The following DUS1L variants were observed in gnomAD, a reference collection of about 807,000 sequenced individuals.
The protein encoded by DUS1L is tRNA-dihydrouridine(16/17) synthase [NAD(P)(+)]-like.
Under a neutral mutation model 61.2 loss-of-function variants are expected in DUS1L, and 56 were observed. The observed-to-expected ratio is 0.92, with a 90% CI of 0.74 to 1.14. DUS1L has a LOEUF of 1.14. Ranked by LOEUF, DUS1L falls within the 50% of genes most tolerant of loss-of-function variation. DUS1L has a pLI of 0.00. For missense variants in DUS1L, 630 were observed against 632.4 expected (o/e 1.00, Z 0.04); for synonymous variants, 278 against 259.5 (o/e 1.07, Z -0.69).
chr17:82,063,569 GC>G, intron 3 of DUS1L, 51 bp from the exon 4 acceptor site: 1 of 1,610,098 alleles, frequency 6.2e-7, no homozygotes, highest in African/African-American at 1.3e-5. Flanking sequence ...GGCTGGTGGG[GC>G]CGAAGCCTTG....
At chr17:82,058,855 C>T in intron 11 of DUS1L, 37 bp from the exon 12 acceptor site, 1 of 1,585,288 alleles carries the variant, frequency 6.3e-7, no homozygotes, top group African/African-American at 1.3e-5. Flanking sequence ...TGAGTGAGGG[C>T]CAGGGTGCCC....
At chr17:82,058,997 G>A (rs942029451) in intron 11 of DUS1L, 179 bp from the exon 12 acceptor site, 2 of 626,832 alleles carry the variant, frequency 3.2e-6, no homozygotes, top group African/African-American at 1.8e-5. Flanking sequence ...TTCCTTCCGT[G>A]AGCAATGGGT....
At chr17:82,058,461 G>T (rs751755062) in intron 12 of DUS1L, 45 bp from the exon 13 acceptor site, 1 of 1,475,156 alleles carries the variant, frequency 6.8e-7, no homozygotes, top group Non-Finnish European at 9.0e-7. Context: ...CACCACTCCC[G>T]GGGCCAGGCT....
In DUS1L at chr17:82,061,975, C is replaced by G. The variant is rs1386387041; in HGVS notation, c.519G>C (p.Thr173=). The G allele has an allele frequency of 8.7e-6, 14 of 1,606,064 alleles. No individual in the cohort carries two copies. Among genetic ancestry groups the G allele is most frequent in the Non-Finnish European group, 1.2e-5 (14 of 1,176,636 alleles). ...TCTGCTCCTTGGTGCGTCCGTGCAC[C>G]GTCAGCAACTAGGACAGAGCAGTGG... The part of the protein sequence containing the change: ...MLEKAGCQLL[T]VHGRTKEQKG... Residue 173 remains threonine, a synonymous_variant, in exon 6 of 14, where the codon ACG becomes ACC. Coordinates refer to ENST00000306796, the MANE Select transcript of DUS1L (RefSeq NM_022156.5).
intron 3 of DUS1L, 21 bp from the exon 4 acceptor site, chr17:82,063,539 C>T: frequency 1.2e-6 from 2 of 1,613,126 alleles, no homozygotes; most frequent in African/African-American, 1.3e-5. Context: ...CAAGCATGGC[C>T]TGGCTGGCAC....
chr17:82,063,079 C>A, intron 4 of DUS1L, 106 bp from the exon 5 acceptor site: 1 of 1,043,588 alleles, frequency 9.6e-7, no homozygotes, highest in Non-Finnish European at 1.4e-6. Flanking sequence ...GGCAGCTTTG[C>A]CGGGAGGCTG....
chr17:82,062,485 TG>T (rs2144738641), intron 5 of DUS1L, among the ~76,000 whole-genome samples: 1 of 152,296 alleles, frequency 6.6e-6, no homozygotes, highest in South Asian at 2.1e-4. Flanking sequence ...CCAGGCTCAG[TG>T]TGCGGGGAAC....
At chr17:82,060,468 G>C (rs910454617) in intron 10 of DUS1L, 16 of 596,254 alleles carry the variant, frequency 2.7e-5, no homozygotes, top group Non-Finnish European at 3.6e-5. Flanking sequence ...TAAAATCCGA[G>C]CGTCCACTGA....
Position 82,061,909 on chromosome 17 carries a change from C to T in DUS1L, c.585G>A (p.Lys195=), listed in dbSNP as rs1337565143. The stretch of plus-strand genomic sequence containing the variant: ...CACCCACACCCACTCACCGCACAGC[C>T]TTGATATGCTCCCAGGACGCTGCAC... ...LSGAASWEHI[K]AVRKAVAIPV... is the part of the protein sequence containing the mutation. The change falls in exon 6 of 14, where the codon AAG becomes AAA. Residue 195 remains lysine (K), a synonymous_variant. Transcript: ENST00000306796. 8.7e-6 allele frequency: 14 copies of T among 1,609,982 alleles called. No homozygotes were observed. Among genetic ancestry groups the T allele is most frequent in the Non-Finnish European group, 1.2e-5 (14 of 1,178,288 alleles).
Position 82,059,973 on chromosome 17 carries a change from G to C in DUS1L, c.1143C>G (p.His381Gln), listed in dbSNP as rs750313556. 52 of 1,613,912 alleles carry C rather than the reference G, an allele frequency of 3.2e-5. No individual in the cohort carries two copies. The highest frequency in any genetic ancestry group is 1.2e-4 in the Admixed American group (7 of 60,004). Reference sequence around the variant, plus strand: ...GCTTCAGAGAGGGGTCGAAGGTCTTGTGGGGGTTCCTCAGCTGCTTCTTTT... The same window carrying C: ...GCTTCAGAGAGGGGTCGAAGGTCTTCTGGGGGTTCCTCAGCTGCTTCTTTT... ...NKQKKQLRNP[H>Q]KTFDPSLKPK... The change falls in exon 11 of 14, where the codon CAC becomes CAG. Residue 381 changes from histidine to glutamine, a missense_variant. Coordinates refer to ENST00000306796, the MANE Select transcript of DUS1L (RefSeq NM_022156.5).
At chr17:82,059,504 G>A (rs1334778888) in intron 11 of DUS1L, 3 of 176,862 alleles carry the variant, frequency 1.7e-5, no homozygotes, top group Non-Finnish European at 2.4e-5. Context: ...ACTAGGCTGA[G>A]GCCTTGCCAC....
intron 12 of DUS1L, 51 bp downstream of exon 12, chr17:82,058,730 G>A (rs977379746): frequency 1.2e-6 from 2 of 1,611,398 alleles, no homozygotes; most frequent in Non-Finnish European, 1.7e-6. Flanking sequence ...AGACCACCCT[G>A]CCCACCCCCA....
At position 82,058,327 on chromosome 17, in the gene DUS1L, G is replaced by T. The variant is rs1252819448; in HGVS notation, c.1282+14C>A. On this transcript the variant is annotated intron_variant, in intron 13 of 13. Transcript: ENST00000306796. The stretch of plus-strand genomic sequence containing the variant: ...CTGTTTGCCTGCTGCGGGGCGGGTG[G>T]TAGGCGCCCTCACCTGGGCAGTCTG... 2 of 1,514,386 alleles carry T rather than the reference G, an allele frequency of 1.3e-6. No individual in the cohort carries two copies. The highest frequency in any genetic ancestry group is 2.6e-5 in the South Asian group (2 of 76,684). 93.8% of individuals were successfully genotyped at this position (1,514,386 alleles called of 1,614,324 possible).
Position 82,059,789 on chromosome 17 carries a change from A to G in DUS1L, c.1168+159T>C. 19 of 1,035,342 alleles carry G rather than the reference A, an allele frequency of 1.8e-5. 1 individual carries two copies. The South Asian group carries it at 2.8e-4, about 16-fold the overall frequency. The allele number at this position is 1,035,342 out of a possible 1,614,324, so 64.1% of individuals were successfully genotyped here. A position where few individuals can be genotyped will look rare whatever the true frequency, so the allele number is the denominator to read the frequency against. On this transcript the variant is annotated intron_variant, in intron 11 of 13. Transcript: ENST00000306796. ...TGCACAGGGTCCCCGTTCTGACCCC[A>G]AGTCTGGCTGACTACTCCGCCAAGC...
Position 82,061,347 on chromosome 17 carries a change from T to C in DUS1L, c.704A>G (p.Asn235Ser). 1.9e-6 allele frequency: 3 copies of C among 1,574,186 alleles called. No individual in the cohort carries two copies. Among genetic ancestry groups the C allele is most frequent in the Non-Finnish European group, 2.6e-6 (3 of 1,157,632 alleles). The change falls in exon 8 of 14, where the codon AAC (asparagine) becomes AGC (serine). Residue 235 changes from asparagine (N) to serine (S), a missense_variant. Transcript: ENST00000306796. ...CTCGAACAGGGCGGGGTTGTGCAGG[T>C]TGCCCTCTGTGGGAGGAGGAGCGGG... Reference protein sequence around the residue: ...GVQGVMSAEGNLHNPALFEGR... With the variant: ...GVQGVMSAEGSLHNPALFEGR...
Position 82,060,905 on chromosome 17 carries a change from C to G in DUS1L, c.899G>C (p.Gly300Ala). Residue 300 changes from glycine to alanine, a missense_variant, in exon 9 of 14, where the codon GGC becomes GCC. Physicochemically the swap from Gly to Ala is moderately conservative, Grantham distance 60. Transcript: ENST00000306796. ...EELAKVKTLEGIAAVSQELKL... is the reference protein window; with the variant it reads ...EELAKVKTLEAIAAVSQELKL... ...CAGCTCCTGGCTCACAGCAGCGATG[C>G]CCTCCAGGGTCTTCACCTTGGCCAG... is the stretch of plus-strand genomic sequence containing the variant. 1 of 1,611,538 alleles carries G rather than the reference C, an allele frequency of 6.2e-7. No individual in the cohort carries two copies. The highest frequency in any genetic ancestry group is 8.5e-7 in the Non-Finnish European group (1 of 1,179,930).
chr17:82,065,103 G>A (rs754319730), intron 1 of DUS1L, 34 bp from the exon 2 acceptor site: 1 of 1,532,366 alleles, frequency 6.5e-7, no homozygotes, highest in Non-Finnish European at 8.8e-7. Flanking sequence ...GGTTCAGCCA[G>A]GCCCAACGAG....
Position 82,062,895 on chromosome 17 carries a change from C to T in DUS1L, c.476G>A (p.Arg159Lys), listed in dbSNP as rs777827457. The change falls in exon 5 of 14, where the codon AGG becomes AAG. Residue 159 changes from arginine to lysine, a missense_variant. Coordinates refer to ENST00000306796, the MANE Select transcript of DUS1L (RefSeq NM_022156.5). ...GGCCTTCTCCAGCATCTGGGCGTAC[C>T]TCACGGTCTTGTCAATCTCCGGGAA... ...RVFPEIDKTV[R>K]YAQMLEKAGC... 3.1e-6 allele frequency: 5 copies of T among 1,613,024 alleles called. No homozygotes were observed. In the South Asian group the frequency reaches 3.3e-5, roughly 11 times the overall value.
intron 10 of DUS1L, 134 bp downstream of exon 10, chr17:82,060,567 C>T (rs2033432895): frequency 8.3e-7 from 1 of 1,209,056 alleles, no homozygotes; most frequent in Non-Finnish European, 1.1e-6. Flanking sequence ...CGAGGCCTCC[C>T]TCCTCCTTTC....
Sources: allele counts gnomAD v4.1 joint callset (sites outside exome capture counted in the v4.1 genomes callset), GRCh38; gene constraint gnomAD v4.1.1; transcripts MANE v1.5; gene names NCBI Gene and HGNC (gene_info 2026-07-23, HGNC 2026-07-21).